Variants in GRM8 observed in about 807,000 individuals in gnomAD.
The protein encoded by GRM8 is glutamate metabotropic receptor 8.
GRM8 carries 47 observed loss-of-function variants against 87.2 expected under a neutral mutation model. The observed-to-expected ratio is 0.54, with a 90% confidence interval of 0.43 to 0.69. GRM8 has a LOEUF of 0.69. Ranked by LOEUF, GRM8 falls within the 30% of genes least tolerant of loss-of-function variation. The pLI is 0.00. For synonymous variants in GRM8, 396 were observed against 404.5 expected (o/e 0.98, Z 0.25); for missense variants, 1,019 against 1,139.2 (o/e 0.89, Z 1.52).
At chr7:126,644,052 C>T (rs959916149) in intron 7 of GRM8, among the ~76,000 whole-genome samples, 2 of 152,288 alleles carry the variant, frequency 1.3e-5, no homozygotes, top group Middle Eastern at 3.4e-3. Flanking sequence ...TGTAGAGTTT[C>T]GTCTTTTGCA....
At chr7:126,441,741 C>A (rs1801485179) in intron 10 of GRM8, among the ~76,000 whole-genome samples, 1 of 152,034 alleles carries the variant, frequency 6.6e-6, no homozygotes. Flanking sequence ...TAGACAAGTT[C>A]TTACCAGAGA....
intron 2 of GRM8, among the ~76,000 whole-genome samples, chr7:127,219,008 C>G (rs2299556): frequency 0.15 from 22,892 of 152,116 alleles, 2,183 homozygotes; most frequent in Non-Finnish European, 0.2. Context: ...GAGTTGGTTG[C>G]AGCAGTAACT....
At chr7:126,932,218 ATTAAG>A (rs1805838930) in intron 3 of GRM8, among the ~76,000 whole-genome samples, 1 of 152,188 alleles carries the variant, frequency 6.6e-6, no homozygotes, top group African/African-American at 2.4e-5. Context: ...TTTAGAATCT[ATTAAG>A]TTAATTGTGG....
chr7:127,043,714 T>A lies in GRM8; in HGVS notation c.727+62782A>T, dbSNP rs796489773. On this transcript the variant is annotated intron_variant, in intron 3 of 10. Transcript: ENST00000339582. Reference sequence around the variant, plus strand: ...CACCAACATGGCACATGTATACATATGTAACAAACCTGCACGTTGTGCACA... The same window carrying A: ...CACCAACATGGCACATGTATACATAAGTAACAAACCTGCACGTTGTGCACA... Among the ~76,000 whole-genome samples the A allele has an allele frequency of 2.0e-5, 3 of 152,082 alleles. No individual in the cohort carries two copies. The East Asian group carries it at 5.8e-4, about 29-fold the overall frequency.
intron 9 of GRM8, among the ~76,000 whole-genome samples, chr7:126,510,445 C>T (rs1811169677): frequency 6.6e-6 from 1 of 151,958 alleles, no homozygotes; most frequent in Non-Finnish European, 1.5e-5. Flanking sequence ...TATCTCTTGG[C>T]ATACTCTGCT....
At chr7:126,542,666 T>C (rs557492898) in intron 8 of GRM8, among the ~76,000 whole-genome samples, 1 of 152,348 alleles carries the variant, frequency 6.6e-6, no homozygotes, top group South Asian at 2.1e-4. Context: ...AGTGACCATA[T>C]AACGAAGGGC....
At chr7:126,851,638 G>A (rs538663942) in intron 6 of GRM8, among the ~76,000 whole-genome samples, 20 of 152,062 alleles carry the variant, frequency 1.3e-4, no homozygotes, top group Non-Finnish European at 2.4e-4. Context: ...ACTGTTCAGG[G>A]CCTTTGCAAT....
At chr7:126,650,264 TCCC>T (rs1017284832) in intron 7 of GRM8, among the ~76,000 whole-genome samples, 2 of 152,100 alleles carry the variant, frequency 1.3e-5, no homozygotes, top group African/African-American at 4.8e-5. Context: ...ATGCCCATGG[TCCC>T]CAGTCCTGCC....
rs77076526 is a variant in GRM8, at chr7:126,873,242, C to T, written c.1156+29300G>A. ...ATTGACAGGTCAATTCAAAAACAAC[C>T]ATATTCATTGCAATTTTTTTCTATT... On this transcript the variant is annotated intron_variant, in intron 6 of 10. Transcript: ENST00000339582. 1.6e-4 allele frequency among the ~76,000 whole-genome samples: 24 copies of T among 152,154 alleles called. No homozygotes were observed. The East Asian group carries it at 4.1e-3, about 26-fold the overall frequency.
In GRM8 at chr7:126,533,428, G is replaced by C; in HGVS notation, c.1954C>G (p.Arg652Gly). The change falls in exon 9 of 11, where the codon CGG becomes GGG. Residue 652 changes from arginine to glycine, a missense_variant. By Grantham distance (125) the Arg-to-Gly change is moderately radical. Coordinates refer to ENST00000339582, the MANE Select transcript of GRM8 (RefSeq NM_000845.3). ...APDTIICSFR[R>G]VFLGLGMCFS... is the part of the protein sequence containing the mutation. ...CACATGCCAAGTCCTAGGAAGACCCGTCGGAAGGAGCATATGATTGTATCT... is the reference window on the plus strand; with the variant it reads ...CACATGCCAAGTCCTAGGAAGACCCCTCGGAAGGAGCATATGATTGTATCT... The C allele has an allele frequency of 6.2e-7, 1 of 1,613,950 alleles. No homozygotes were observed. Among genetic ancestry groups the C allele is most frequent in the Non-Finnish European group, 8.5e-7 (1 of 1,179,900 alleles).
chr7:127,231,532 T>C (rs1322290230), intron 2 of GRM8, among the ~76,000 whole-genome samples: 1 of 152,252 alleles, frequency 6.6e-6, no homozygotes, highest in Non-Finnish European at 1.5e-5. Flanking sequence ...TTTTTCTGAT[T>C]GTCCTAAAAT....
chr7:127,025,344 C>A (rs1816677526), intron 3 of GRM8, among the ~76,000 whole-genome samples: 2 of 152,032 alleles, frequency 1.3e-5, no homozygotes, highest in Admixed American at 1.3e-4. Flanking sequence ...TGGGGACCAT[C>A]AATACCAGCC....
At chr7:126,977,908 T>C (rs1052891535) in intron 3 of GRM8, among the ~76,000 whole-genome samples, 1 of 152,040 alleles carries the variant, frequency 6.6e-6, no homozygotes, top group Non-Finnish European at 1.5e-5. Context: ...TAAAAATAAA[T>C]TTTAAAGTAC....
Position 126,533,753 on chromosome 7 carries a change from A to G in GRM8, c.1629T>C (p.Gly543=). The change falls in exon 9 of 11, where the codon GGT becomes GGC. Residue 543 remains glycine (G), a synonymous_variant. Coordinates refer to ENST00000339582, the MANE Select transcript of GRM8 (RefSeq NM_000845.3). ...ACAGCTCATCCACCTGGTAGTTGTA[A>G]CCTTCACAGCGTTCACAGTGCCAGC... The part of the protein sequence containing the change: ...PCCWHCERCE[G]YNYQVDELSC... 6.2e-7 allele frequency: 1 copy of G among 1,613,992 alleles called. No individual in the cohort carries two copies. Among genetic ancestry groups the G allele is most frequent in the Non-Finnish European group, 8.5e-7 (1 of 1,179,962 alleles).
intron 2 of GRM8, among the ~76,000 whole-genome samples, chr7:127,154,489 C>T (rs1327752368): frequency 6.6e-6 from 1 of 152,114 alleles, no homozygotes; most frequent in African/African-American, 2.4e-5. Context: ...TTCTACAAAG[C>T]CTGTCCCGCC....
At chr7:126,604,042 CA>C (rs1162888170) in intron 8 of GRM8, among the ~76,000 whole-genome samples, 2 of 151,578 alleles carry the variant, frequency 1.3e-5, no homozygotes, top group East Asian at 3.9e-4. Flanking sequence ...ATCCCTGAGA[CA>C]AATGGGGAGA....
chr7:126,877,106 TCTAA>T (rs1172077791), intron 6 of GRM8, among the ~76,000 whole-genome samples: 1 of 152,222 alleles, frequency 6.6e-6, no homozygotes, highest in Non-Finnish European at 1.5e-5. Flanking sequence ...CCCATTGGCT[TCTAA>T]CTAACAGTAT....
intron 2 of GRM8, among the ~76,000 whole-genome samples, chr7:127,200,994 G>A (rs1795555480): frequency 6.6e-6 from 1 of 152,134 alleles, no homozygotes; most frequent in South Asian, 2.1e-4. Flanking sequence ...CTCAACAAGT[G>A]CACAGCTTTA....
chr7:127,076,834 G>A (rs935737457), intron 3 of GRM8, among the ~76,000 whole-genome samples: 1 of 152,224 alleles, frequency 6.6e-6, no homozygotes, highest in Non-Finnish European at 1.5e-5. Flanking sequence ...CAGAAGTCAC[G>A]TCAGTTATGC....
Sources: gnomAD v4.1 joint callset for allele counts (sites outside exome capture counted in the v4.1 genomes callset) on GRCh38, gnomAD v4.1.1 for gene constraint, MANE v1.5 for transcripts, NCBI Gene and HGNC (gene_info 2026-07-23, HGNC 2026-07-21) for gene names.